The following CACNB2 variants were observed in gnomAD, a reference collection of about 807,000 sequenced individuals.
CACNB2 encodes calcium voltage-gated channel auxiliary subunit beta 2.
A neutral mutation model predicts 73.3 loss-of-function variants in CACNB2; 42 were observed. The ratio of observed to expected loss-of-function variants is 0.57; its 90% CI spans 0.45 to 0.74. The LOEUF (loss-of-function observed/expected upper bound fraction) is 0.74, where lower values mean the gene tolerates loss of function less well. Among genes scored for constraint, CACNB2 ranks in the 30% least tolerant of loss-of-function variants. The pLI, the probability that CACNB2 is intolerant of heterozygous loss-of-function variation, is 0.00. For missense variants in CACNB2, 940 were observed against 853.0 expected, an observed-to-expected ratio of 1.10 and a Z score of -1.27; for synonymous variants, 348 against 310.3, an observed-to-expected ratio of 1.12 and a Z score of -1.28.
At chr10:18,299,659 A>G (rs992362563) in intron 2 of CACNB2, among the ~76,000 whole-genome samples, 2 of 152,158 alleles carry the variant, frequency 1.3e-5, no homozygotes, top group Admixed American at 1.3e-4. Flanking sequence ...TGCAGTAAGC[A>G]GTGATCGCAC....
At chr10:18,181,438 G>T (rs955037191) in intron 2 of CACNB2, among the ~76,000 whole-genome samples, 1 of 151,984 alleles carries the variant, frequency 6.6e-6, no homozygotes, top group African/African-American at 2.4e-5. Context: ...TAAGGAACTT[G>T]GTACCCTTCC....
At chr10:18,171,247 G>T (rs914229155) in intron 2 of CACNB2, among the ~76,000 whole-genome samples, 1 of 152,056 alleles carries the variant, frequency 6.6e-6, no homozygotes, top group African/African-American at 2.4e-5. Context: ...AGAAATGTAG[G>T]GTTATTCTTT....
At chr10:18,489,315 G>A (rs1199456864) in intron 3 of CACNB2, among the ~76,000 whole-genome samples, 1 of 149,174 alleles carries the variant, frequency 6.7e-6, no homozygotes, top group African/African-American at 2.5e-5. Context: ...GCTTGAACCT[G>A]GGAGGCGGTG....
chr10:18,220,248 G>T lies in CACNB2; in HGVS notation c.213+69273G>T, dbSNP rs1331014306. Among the ~76,000 whole-genome samples, 146 of 107,812 alleles carry T rather than the reference G, an allele frequency of 1.4e-3. 3 individuals carry two copies. Among genetic ancestry groups the T allele is most frequent in the African/African-American group, 3.6e-3 (88 of 24,764 alleles). 70.7% of individuals were successfully genotyped at this position (107,812 alleles called of 152,430 possible). ...ATATATATATAGAGAGAGAGAGAGA[G>T]AGAGAGAGAGAGAGAGAGAGAGAGA... On this transcript the variant is annotated intron_variant, in intron 2 of 13. Coordinates refer to ENST00000324631, the MANE Select transcript of CACNB2 (RefSeq NM_201596.3).
intron 3 of CACNB2, among the ~76,000 whole-genome samples, chr10:18,432,450 C>CTGTGTGTGTGTGTGTGTGTG (rs57188373): frequency 6.6e-6 from 1 of 150,520 alleles, no homozygotes; most frequent in African/African-American, 2.4e-5. Flanking sequence ...GTGTGTGTCT[C>CTGTGTGTGTGTGTGTGTGTG]TGTGTGTGTG....
At chr10:18,186,942 C>T (rs531170973) in intron 2 of CACNB2, among the ~76,000 whole-genome samples, 6 of 152,264 alleles carry the variant, frequency 3.9e-5, no homozygotes, top group African/African-American at 9.6e-5. Flanking sequence ...GTAAGATACA[C>T]ATTATCTGCT....
At chr10:18,246,772 T>TTTTG (rs1023098720) in intron 2 of CACNB2, among the ~76,000 whole-genome samples, 27 of 151,976 alleles carry the variant, frequency 1.8e-4, no homozygotes, top group African/African-American at 4.1e-4. Context: ...TAGTTTTGTT[T>TTTTG]TTTGTTTGTT....
chr10:18,236,334 A>G (rs950583448), intron 2 of CACNB2, among the ~76,000 whole-genome samples: 3 of 152,210 alleles, frequency 2.0e-5, no homozygotes, highest in Non-Finnish European at 4.4e-5. Flanking sequence ...CTAGTCTCCA[A>G]AATGGCAGGA....
At chr10:18,491,155 A>G (rs1305333928) in intron 3 of CACNB2, among the ~76,000 whole-genome samples, 1 of 152,234 alleles carries the variant, frequency 6.6e-6, no homozygotes, top group Admixed American at 6.5e-5. Flanking sequence ...AAGAAGAAAG[A>G]GTAAATGGCC....
chr10:18,403,209 G>T (rs995030536), intron 3 of CACNB2, among the ~76,000 whole-genome samples: 3 of 152,180 alleles, frequency 2.0e-5, no homozygotes, highest in Non-Finnish European at 4.4e-5. Flanking sequence ...AGGGTTTTGT[G>T]ATGGTGGAAA....
At chr10:18,198,495 G>T (rs902625121) in intron 2 of CACNB2, among the ~76,000 whole-genome samples, 2 of 151,952 alleles carry the variant, frequency 1.3e-5, no homozygotes, top group African/African-American at 4.8e-5. Context: ...CCTTTCCATG[G>T]TGTGTCACTG....
chr10:18,508,519 G>C (rs935067199), intron 6 of CACNB2, among the ~76,000 whole-genome samples: 1 of 152,134 alleles, frequency 6.6e-6, no homozygotes, highest in Non-Finnish European at 1.5e-5. Flanking sequence ...AGTGGAAAAA[G>C]ACTATGTCAC....
rs114198215 is a variant in CACNB2 at position 18,422,367 on chromosome 10, G to A, written c.333+20324G>A. 9.2e-3 allele frequency among the ~76,000 whole-genome samples: 1,396 copies of A among 152,332 alleles called. 29 individuals are homozygous for A. The highest frequency in any genetic ancestry group is 0.031 in the African/African-American group (1,269 of 41,566). On this transcript the variant is annotated intron_variant, in intron 3 of 13. Transcript: ENST00000324631. ...GCAGAAGGGTAACCTACGGATGCCC[G>A]ATTGTCCTTTTTCCCTGGATTAAAA...
intron 2 of CACNB2, among the ~76,000 whole-genome samples, chr10:18,356,029 A>C (rs2041895849): frequency 6.6e-6 from 1 of 152,160 alleles, no homozygotes; most frequent in Non-Finnish European, 1.5e-5. Context: ...GGTTTCTGTA[A>C]GGATTGCTCC....
chr10:18,377,412 T>C (rs2042844859), intron 2 of CACNB2, among the ~76,000 whole-genome samples: 1 of 152,210 alleles, frequency 6.6e-6, no homozygotes, highest in Non-Finnish European at 1.5e-5. Flanking sequence ...TCAAGGGCCA[T>C]GTAGTAAATA....
chr10:18,278,226 T>C (rs1177787677), intron 2 of CACNB2, among the ~76,000 whole-genome samples: 1 of 152,202 alleles, frequency 6.6e-6, no homozygotes, highest in Non-Finnish European at 1.5e-5. Flanking sequence ...ACACCTGTAA[T>C]TCCAGCATTT....
At chr10:18,179,267 A>G (rs2033758708) in intron 2 of CACNB2, among the ~76,000 whole-genome samples, 1 of 152,228 alleles carries the variant, frequency 6.6e-6, no homozygotes, top group Non-Finnish European at 1.5e-5. Flanking sequence ...AATAGCAGAC[A>G]TAGCAGCCCT....
chr10:18,390,290 G>A (rs2043408363), intron 2 of CACNB2, among the ~76,000 whole-genome samples: 1 of 152,208 alleles, frequency 6.6e-6, no homozygotes, highest in African/African-American at 2.4e-5. Context: ...TTGGCTCACT[G>A]CAACCTCCAC....
At chr10:18,379,316 G>A (rs1022792476) in intron 2 of CACNB2, among the ~76,000 whole-genome samples, 20 of 152,070 alleles carry the variant, frequency 1.3e-4, no homozygotes, top group African/African-American at 4.3e-4. Flanking sequence ...AGGTTCAAGC[G>A]ATTCTCGTGC....
Sources: gnomAD v4.1 joint callset for allele counts (sites outside exome capture counted in the v4.1 genomes callset) on GRCh38, gnomAD v4.1.1 for gene constraint, MANE v1.5 for transcripts, NCBI Gene and HGNC (gene_info 2026-07-23, HGNC 2026-07-21) for gene names.